Variants in CNTN4 observed in about 807,000 individuals in gnomAD.
CNTN4 encodes the protein contactin 4, also known as contactin-4.
In CNTN4, 77 loss-of-function variants were observed where a neutral mutation model predicts 122.5. The ratio of observed to expected loss-of-function variants is 0.63; its 90% CI spans 0.52 to 0.76. The LOEUF (loss-of-function observed/expected upper bound fraction) is 0.76, where lower values mean the gene tolerates loss of function less well. CNTN4 is among the 30% of genes least tolerant of loss of function. The pLI, the probability that CNTN4 is intolerant of heterozygous loss-of-function variation, is 0.00. For missense variants in CNTN4, 1,256 were observed against 1,259.1 expected (o/e 1.00, Z 0.04); for synonymous variants, 512 against 447.0 (o/e 1.15, Z -1.83).
At chr3:2,580,035 GTA>G (rs943652371) in intron 4 of CNTN4, among the ~76,000 whole-genome samples, 126 of 46,482 alleles carry the variant, frequency 2.7e-3, no homozygotes, top group East Asian at 0.012. Flanking sequence ...GGTTAAGCTT[GTA>G]TGTGTGTGTG....
intron 4 of CNTN4, among the ~76,000 whole-genome samples, chr3:2,715,956 T>C (rs79236100): frequency 2.0e-5 from 3 of 152,172 alleles, no homozygotes; most frequent in African/African-American, 7.2e-5. Flanking sequence ...TTACATGTTT[T>C]AATTTTATTT....
intron 2 of CNTN4, among the ~76,000 whole-genome samples, chr3:2,222,254 C>G (rs1240334071): frequency 6.6e-6 from 1 of 152,078 alleles, no homozygotes; most frequent in Non-Finnish European, 1.5e-5. Flanking sequence ...AATGGATAAA[C>G]CTTGGAAACA....
intron 3 of CNTN4, among the ~76,000 whole-genome samples, chr3:2,557,595 G>A (rs1333853049): frequency 6.6e-6 from 1 of 152,002 alleles, no homozygotes. Flanking sequence ...TGGGCGTGGT[G>A]GCGGGCGCCT....
At chr3:2,285,045 G>C (rs978281473) in intron 2 of CNTN4, among the ~76,000 whole-genome samples, 3 of 151,820 alleles carry the variant, frequency 2.0e-5, no homozygotes, top group Non-Finnish European at 4.4e-5. Context: ...ATAATAAAAA[G>C]AGAGACAAAT....
At chr3:2,223,578 A>G (rs2039147597) in intron 2 of CNTN4, among the ~76,000 whole-genome samples, 5 of 152,254 alleles carry the variant, frequency 3.3e-5, no homozygotes, top group Non-Finnish European at 1.5e-5. Flanking sequence ...TTGACAGAGT[A>G]GGCCTGATAA....
chr3:2,256,227 C>G (rs989806170), intron 2 of CNTN4, among the ~76,000 whole-genome samples: 1 of 152,106 alleles, frequency 6.6e-6, no homozygotes, highest in Non-Finnish European at 1.5e-5. Context: ...TACACCCTCC[C>G]AAGACTAAAC....
At chr3:2,546,670 A>G (rs914831021) in intron 3 of CNTN4, among the ~76,000 whole-genome samples, 5 of 152,178 alleles carry the variant, frequency 3.3e-5, no homozygotes, top group African/African-American at 1.2e-4. Context: ...TAAAAAAAAC[A>G]AAATATGAAC....
chr3:2,328,312 A>G (rs1145037), intron 2 of CNTN4, among the ~76,000 whole-genome samples: 95,418 of 147,366 alleles, frequency 0.65, 32,149 homozygotes, highest in East Asian at 0.94. Context: ...AGGCTGAGGC[A>G]GGAGAATGGC....
intron 4 of CNTN4, among the ~76,000 whole-genome samples, chr3:2,616,975 T>G (rs1266922256): frequency 3.3e-5 from 5 of 152,088 alleles, no homozygotes; most frequent in Non-Finnish European, 7.4e-5. Context: ...CCTTACACCT[T>G]ATACGAAAAT....
intron 8 of CNTN4, among the ~76,000 whole-genome samples, chr3:2,873,654 T>A (rs904691892): frequency 6.6e-6 from 1 of 152,242 alleles, no homozygotes; most frequent in Non-Finnish European, 1.5e-5. Flanking sequence ...CTACATTAGA[T>A]CCTCAACTGG....
chr3:2,372,884 C>G (rs1433454440), intron 3 of CNTN4, among the ~76,000 whole-genome samples: 1 of 152,004 alleles, frequency 6.6e-6, no homozygotes, highest in Non-Finnish European at 1.5e-5. Context: ...CCCATCTCTA[C>G]TAAAAATACA....
At chr3:2,703,289 A>G (rs1027395877) in intron 4 of CNTN4, among the ~76,000 whole-genome samples, 6 of 152,304 alleles carry the variant, frequency 3.9e-5, no homozygotes, top group South Asian at 4.1e-4. Context: ...TAGACATGTT[A>G]TGGTACAGTA....
Position 2,300,560 on chromosome 3 carries a change from C to CTTTT in CNTN4, c.-144-38591_-144-38588dup, listed in dbSNP as rs575192976. On this transcript the variant is annotated intron_variant, in intron 2 of 24. Transcript: ENST00000418658. ...ATGAGTTTATTTACACAGTGACCGT[C>CTTTT]TTTTTTTTTTTTTTTTTTTTTTTTT... 2.2e-3 allele frequency among the ~76,000 whole-genome samples: 135 copies of CTTTT among 62,022 alleles called. 14 individuals are homozygous for CTTTT. Among genetic ancestry groups the CTTTT allele is most frequent in the Non-Finnish European group, 3.2e-3 (98 of 30,704 alleles). The allele number at this position is 62,022 out of a possible 152,430, so 40.7% of individuals were successfully genotyped here.
chr3:2,607,403 AAG>A (rs1294898438), intron 4 of CNTN4, among the ~76,000 whole-genome samples: 3 of 152,166 alleles, frequency 2.0e-5, no homozygotes, highest in Non-Finnish European at 4.4e-5. Context: ...TCCATACAAA[AAG>A]GGAATGAATA....
chr3:2,567,958 G>A (rs975231741), intron 3 of CNTN4, among the ~76,000 whole-genome samples: 8 of 151,996 alleles, frequency 5.3e-5, no homozygotes, highest in African/African-American at 1.9e-4. Context: ...ATAATGACTG[G>A]TTTATTAGCA....
At chr3:2,594,324 C>T (rs1301782966) in intron 4 of CNTN4, among the ~76,000 whole-genome samples, 1 of 151,580 alleles carries the variant, frequency 6.6e-6, no homozygotes, top group Non-Finnish European at 1.5e-5. Flanking sequence ...TCCATGAAAA[C>T]ATAAAAATTC....
rs552187931 is a variant in CNTN4, at chr3:2,166,682, G to A, written c.-145+66043G>A. On this transcript the variant is annotated intron_variant, in intron 2 of 24. Coordinates refer to ENST00000418658, the MANE Select transcript of CNTN4 (RefSeq NM_175607.3). ...AGAATCTAGGTGCTGTGTGTATGTTGTGAATGCTGTGTAGTGTAAGGGAAT... is the reference window on the plus strand; with the variant it reads ...AGAATCTAGGTGCTGTGTGTATGTTATGAATGCTGTGTAGTGTAAGGGAAT... Among the ~76,000 whole-genome samples the A allele has an allele frequency of 2.0e-5, 3 of 152,244 alleles. No homozygotes were observed. The South Asian group carries it at 6.2e-4, about 32-fold the overall frequency.
intron 10 of CNTN4, among the ~76,000 whole-genome samples, chr3:2,890,813 A>G (rs767400644): frequency 1.3e-5 from 2 of 152,084 alleles, no homozygotes; most frequent in African/African-American, 2.4e-5. Context: ...ACCCTACCCC[A>G]TCTTCCCAAT....
intron 3 of CNTN4, among the ~76,000 whole-genome samples, chr3:2,430,156 G>A (rs1015000410): frequency 6.6e-6 from 1 of 152,052 alleles, no homozygotes; most frequent in Non-Finnish European, 1.5e-5. Context: ...GGGCTCAGTG[G>A]CTCACACCTG....
Sources: gnomAD v4.1 joint callset for allele counts (sites outside exome capture counted in the v4.1 genomes callset) on GRCh38, gnomAD v4.1.1 for gene constraint, MANE v1.5 for transcripts, NCBI Gene and HGNC (gene_info 2026-07-23, HGNC 2026-07-21) for gene names.